STON2: variants seen among roughly 807,000 people sequenced by gnomAD.
STON2 encodes the protein stonin-2.
In STON2, 29 loss-of-function variants were observed where a neutral mutation model predicts 65.7. The observed-to-expected ratio is 0.44, with a 90% CI of 0.33 to 0.60. STON2 has a LOEUF of 0.60. Ranked by LOEUF, STON2 falls within the 20% of genes least tolerant of loss-of-function variation. STON2 has a pLI of 0.03. For missense variants in STON2, 1,054 were observed against 1,118.1 expected, an observed-to-expected ratio of 0.94 and a Z score of 0.82; for synonymous variants, 404 against 414.2, an observed-to-expected ratio of 0.98 and a Z score of 0.30.
intron 2 of STON2, among the ~76,000 whole-genome samples, chr14:81,396,557 G>A (rs1900333861): frequency 6.6e-6 from 1 of 152,136 alleles, no homozygotes; most frequent in African/African-American, 2.4e-5. Flanking sequence ...GGGGACTGTG[G>A]CTGAACAAGA....
intron 5 of STON2, among the ~76,000 whole-genome samples, chr14:81,286,447 T>G (rs1218869780): frequency 6.6e-6 from 1 of 152,206 alleles, no homozygotes; most frequent in Non-Finnish European, 1.5e-5. Context: ...AAAAAGATTA[T>G]GTCTTGCTGA....
chr14:81,375,393 A>AC (rs1242443300), intron 3 of STON2, among the ~76,000 whole-genome samples: 3 of 152,108 alleles, frequency 2.0e-5, no homozygotes, highest in Non-Finnish European at 4.4e-5. Context: ...GGAAAGCCAT[A>AC]TAAGATAAAA....
Position 81,365,057 on chromosome 14 carries a change from G to T in STON2, c.571+5931C>A, listed in dbSNP as rs145969554. Reference sequence around the variant, plus strand: ...AACACAGGCTATACAGTGGATCAAGGCCCCAAGTTCTGGGTTGAATAAAGG... The same window carrying T: ...AACACAGGCTATACAGTGGATCAAGTCCCCAAGTTCTGGGTTGAATAAAGG... On this transcript the variant is annotated intron_variant, in intron 4 of 7. Transcript: ENST00000614646. 6.7e-3 allele frequency among the ~76,000 whole-genome samples: 1,026 copies of T among 152,294 alleles called. 8 individuals are homozygous for T. Among genetic ancestry groups the T allele is most frequent in the Non-Finnish European group, 7.8e-3 (528 of 68,018 alleles).
intron 4 of STON2, among the ~76,000 whole-genome samples, chr14:81,341,738 A>G (rs780059172): frequency 3.3e-5 from 5 of 152,154 alleles, no homozygotes; most frequent in Admixed American, 6.5e-5. Context: ...TTCTGCCAAT[A>G]CTATATTTTA....
At chr14:81,372,425 G>A (rs1197333091) in intron 3 of STON2, among the ~76,000 whole-genome samples, 1 of 151,918 alleles carries the variant, frequency 6.6e-6, no homozygotes. Flanking sequence ...CATGGTGGCG[G>A]GCGCCTGTAA....
chr14:81,351,199 G>C (rs1217330343), intron 4 of STON2, among the ~76,000 whole-genome samples: 1 of 93,186 alleles, frequency 1.1e-5, no homozygotes, highest in Admixed American at 1.1e-4. Context: ...TTTTTTTCTG[G>C]TGGGAGGCAA....
chr14:81,381,654 A>T (rs973885840), intron 3 of STON2, among the ~76,000 whole-genome samples: 1 of 152,228 alleles, frequency 6.6e-6, no homozygotes, highest in African/African-American at 2.4e-5. Flanking sequence ...GATCACAAAA[A>T]TAGAAAAATA....
At chr14:81,294,106 TA>T (rs1171713140) in intron 5 of STON2, among the ~76,000 whole-genome samples, 1 of 152,184 alleles carries the variant, frequency 6.6e-6, no homozygotes, top group Non-Finnish European at 1.5e-5. Flanking sequence ...AGACAAGAGA[TA>T]GATGAAAAGA....
intron 6 of STON2, among the ~76,000 whole-genome samples, chr14:81,272,813 A>C (rs1332821427): frequency 6.6e-6 from 1 of 152,244 alleles, no homozygotes; most frequent in Non-Finnish European, 1.5e-5. Context: ...CTAAGCCCTT[A>C]AAAGCATTAT....
At chr14:81,300,317 A>G (rs1056399044) in intron 5 of STON2, among the ~76,000 whole-genome samples, 1 of 152,122 alleles carries the variant, frequency 6.6e-6, no homozygotes, top group African/African-American at 2.4e-5. Context: ...TCTACAAGAA[A>G]GCCAAAACTA....
At chr14:81,422,155 T>C (rs889604706) in intron 2 of STON2, among the ~76,000 whole-genome samples, 1 of 152,164 alleles carries the variant, frequency 6.6e-6, no homozygotes, top group African/African-American at 2.4e-5. Flanking sequence ...CCAGTGTTGG[T>C]GGTGGGGCTC....
At chr14:81,319,954 T>C (rs1459373908) in intron 5 of STON2, among the ~76,000 whole-genome samples, 1 of 152,216 alleles carries the variant, frequency 6.6e-6, no homozygotes, top group Non-Finnish European at 1.5e-5. Context: ...GCTATGTTAG[T>C]ATAACAAACT....
At position 81,413,255 on chromosome 14, in the gene STON2, C is replaced by T; in HGVS notation, c.-199+13847G>A. 2 of 1,520,508 alleles carry T rather than the reference C, an allele frequency of 1.3e-6. 1 individual carries two copies. Among genetic ancestry groups the T allele is most frequent in the South Asian group, 2.5e-5 (2 of 79,822 alleles). The allele number at this position is 1,520,508 out of a possible 1,614,324, so 94.2% of individuals were successfully genotyped here. A position where few individuals can be genotyped will look rare whatever the true frequency, so the allele number is the denominator to read the frequency against. On this transcript the variant is annotated intron_variant, in intron 2 of 8. Transcript: ENST00000553821. ...ATCTGGTTAAAAGCATGGACTGTGC[C>T]ACCCACCAGTGGTCCATCCAAAAAC...
At position 81,264,405 on chromosome 14, in the gene STON2, C is replaced by G; in HGVS notation, c.*4009G>C. The G allele has an allele frequency of 2.0e-6, 2 of 985,404 alleles. No individual in the cohort carries two copies. Among genetic ancestry groups the G allele is most frequent in the Non-Finnish European group, 2.4e-6 (2 of 829,902 alleles). 61.0% of individuals were successfully genotyped at this position (985,404 alleles called of 1,614,324 possible). On this transcript the variant is annotated 3_prime_UTR_variant, in exon 8 of 8. Coordinates refer to ENST00000614646, the MANE Select transcript of STON2 (RefSeq NM_001394390.1). ...GCCTTCGAGTCTCAGGGTCAGTATT[C>G]TTTCAGCAAACATTTATTGAATACA...
Position 81,277,237 on chromosome 14 carries a change from T to C in STON2, c.2245A>G (p.Thr749Ala), listed in dbSNP as rs372241489. The C allele has an allele frequency of 2.4e-5, 38 of 1,614,062 alleles. No individual in the cohort carries two copies. The highest frequency in any genetic ancestry group is 3.2e-5 in the Non-Finnish European group (38 of 1,180,034). Residue 749 changes from threonine (T) to alanine (A), a missense_variant, in exon 6 of 8, where the codon ACG becomes GCG. Coordinates refer to ENST00000614646, the MANE Select transcript of STON2 (RefSeq NM_001394390.1). ...TCTGCCCCATTGACACTTGTGGCCG[T>C]CCTGAGTGTGAAAGGCAAGGTCTTC... ...AEKTLPFTLR[T>A]ATSVNGAEVE...
At chr14:81,425,832 G>A (rs1291514445) in intron 2 of STON2, among the ~76,000 whole-genome samples, 1 of 152,154 alleles carries the variant, frequency 6.6e-6, no homozygotes, top group Non-Finnish European at 1.5e-5. Context: ...CAGAGAAAAC[G>A]TAAGTCTCTG....
At chr14:81,386,477 C>T (rs1242426366) in intron 3 of STON2, among the ~76,000 whole-genome samples, 1 of 152,210 alleles carries the variant, frequency 6.6e-6, no homozygotes, top group Admixed American at 6.5e-5. Flanking sequence ...GATCCTCCCC[C>T]AAACAAGTGG....
chr14:81,392,924 A>G (rs1900147760), intron 3 of STON2, among the ~76,000 whole-genome samples: 1 of 152,224 alleles, frequency 6.6e-6, no homozygotes, highest in African/African-American at 2.4e-5. Flanking sequence ...TTTTTTAACC[A>G]TCAATGCAAA....
intron 4 of STON2, among the ~76,000 whole-genome samples, chr14:81,350,621 T>C (rs764768606): frequency 2.0e-5 from 3 of 152,116 alleles, no homozygotes; most frequent in Non-Finnish European, 4.4e-5. Flanking sequence ...CTAATACTTC[T>C]AGGCCTTGGC....
Sources: gnomAD v4.1 joint callset for allele counts (sites outside exome capture counted in the v4.1 genomes callset) on GRCh38, gnomAD v4.1.1 for gene constraint, MANE v1.5 for transcripts, NCBI Gene and HGNC (gene_info 2026-07-23, HGNC 2026-07-21) for gene names.